The following BDP1 variants were observed in gnomAD, a reference collection of about 807,000 sequenced individuals.
BDP1 encodes BDP1 general transcription factor IIIB subunit, also known as transcription factor TFIIIB component B'' homolog.
In BDP1, 169 loss-of-function variants were observed where a neutral mutation model predicts 266.6. The observed-to-expected ratio is 0.63, with a 90% confidence interval of 0.56 to 0.72. The LOEUF (loss-of-function observed/expected upper bound fraction) is 0.72. Ranked by LOEUF, BDP1 falls within the 30% of genes least tolerant of loss-of-function variation. The pLI, the probability that BDP1 is intolerant of heterozygous loss-of-function variation, is 0.00. For synonymous variants in BDP1, 1,090 were observed against 1,022.4 expected (o/e 1.07, Z -1.26); for missense variants, 3,015 against 3,053.8 (o/e 0.99, Z 0.30).
chr5:71,525,632 G>A (rs549109585), intron 25 of BDP1, among the ~76,000 whole-genome samples: 117 of 128,506 alleles, frequency 9.1e-4, no homozygotes, highest in African/African-American at 3.0e-3. Flanking sequence ...CTGGCCGGGC[G>A]GGGGGCTGAC....
chr5:71,511,265 C>G (rs1261626880), intron 17 of BDP1, 114 bp downstream of exon 17: 4 of 1,060,018 alleles, frequency 3.8e-6, no homozygotes, highest in African/African-American at 1.6e-5. Flanking sequence ...CTCTAAAAGT[C>G]TAAAGTCTTT....
intron 10 of BDP1, among the ~76,000 whole-genome samples, chr5:71,490,137 T>C (rs373832183): frequency 5.9e-5 from 9 of 152,168 alleles, no homozygotes; most frequent in South Asian, 2.1e-4. Flanking sequence ...TTGCCACTTA[T>C]GAGTTGCTTG....
chr5:71,470,432 A>T lies in BDP1; in HGVS notation c.957A>T (p.Gly319=), dbSNP rs1006511605. 6.2e-7 allele frequency: 1 copy of T among 1,612,456 alleles called. No individual in the cohort carries two copies. The highest frequency in any genetic ancestry group is 8.5e-7 in the Non-Finnish European group (1 of 1,179,336). Residue 319 remains glycine (G), a synonymous_variant, in exon 7 of 39, where the codon GGA becomes GGT. Coordinates refer to ENST00000358731, the MANE Select transcript of BDP1 (RefSeq NM_018429.3). ...DMFFLAISMV[G]TDFSMIGQLF... ...TTTTTTTAGCCATCAGCATGGTAGG[A>T]ACTGACTTTTCTATGATCGGACAAC...
Position 71,469,770 on chromosome 5 carries a change from C to T in BDP1, c.920-625C>T, listed in dbSNP as rs531943020. Among the ~76,000 whole-genome samples, 176 of 150,562 alleles carry T rather than the reference C, an allele frequency of 1.2e-3. 3 individuals are homozygous for T. The South Asian group carries it at 0.017, about 15-fold the overall frequency. On this transcript the variant is annotated intron_variant, in intron 6 of 38. Coordinates refer to ENST00000358731, the MANE Select transcript of BDP1 (RefSeq NM_018429.3). ...CTGGGATTACAGGTGCACGCCACCA[C>T]GCCCAGCTCATTTTTTTTTTATTTT...
Position 71,455,931 on chromosome 5 carries a change from C to T in BDP1, c.54C>T (p.Gly18=). 6.2e-7 allele frequency: 1 copy of T among 1,611,060 alleles called. No homozygotes were observed. Residue 18 remains glycine, a synonymous_variant, in exon 1 of 39, where the codon GGC becomes GGT. Coordinates refer to ENST00000358731, the MANE Select transcript of BDP1 (RefSeq NM_018429.3). ...SVKPNVRPGV[G]ARGSTASNPQ... is the part of the protein sequence containing the mutation. ...AGCCGAATGTCAGGCCTGGTGTAGG[C>T]GCCAGGGGCTCCACAGCTTCCAATC...
At chr5:71,554,925 A>C (rs1019396744) in intron 35 of BDP1, among the ~76,000 whole-genome samples, 17 of 152,196 alleles carry the variant, frequency 1.1e-4, no homozygotes, top group African/African-American at 3.6e-4. Context: ...CTGAAAAGCC[A>C]AAATCTGAAA....
At chr5:71,468,420 T>C (rs1260884519) in intron 6 of BDP1, among the ~76,000 whole-genome samples, 1 of 151,940 alleles carries the variant, frequency 6.6e-6, no homozygotes, top group African/African-American at 2.4e-5. Context: ...AGTGTTGAGA[T>C]TATAGGCGTG....
intron 25 of BDP1, 83 bp from the exon 26 acceptor site, chr5:71,532,225 C>T: frequency 8.3e-7 from 1 of 1,208,290 alleles, no homozygotes; most frequent in Non-Finnish European, 1.2e-6. Context: ...AGCGTTTCAT[C>T]TTACTTATTC....
intron 7 of BDP1, among the ~76,000 whole-genome samples, chr5:71,482,957 C>T (rs2150394654): frequency 1.3e-5 from 2 of 152,258 alleles, no homozygotes; most frequent in Middle Eastern, 6.8e-3. Context: ...TAAACTGTAT[C>T]ATCTAAGAAT....
intron 33 of BDP1, 128 bp downstream of exon 33, chr5:71,548,873 A>G: frequency 1.4e-6 from 1 of 700,804 alleles, no homozygotes; most frequent in Non-Finnish European, 2.5e-6. Flanking sequence ...AAAACGTTTT[A>G]TAGAAACACC....
chr5:71,513,042 GA>G (rs1765016768), intron 18 of BDP1, 142 bp from the exon 19 acceptor site: 1 of 567,282 alleles, frequency 1.8e-6, no homozygotes, highest in East Asian at 3.1e-5. Context: ...CAGCCTGGGG[GA>G]TAGAACAAGA....
chr5:71,457,784 G>C (rs1761291334), intron 1 of BDP1, among the ~76,000 whole-genome samples: 2 of 152,076 alleles, frequency 1.3e-5, no homozygotes, highest in Non-Finnish European at 2.9e-5. Flanking sequence ...ATAAGTTAAG[G>C]CATTTTCTAA....
Position 71,511,293 on chromosome 5 carries a change from A to G in BDP1, c.4059+142A>G, listed in dbSNP as rs147549439. ...AAGTCTTTTGTAGCCCTAAGTTTCT[A>G]TGTTTCAGTGCCTTGAAGAAACTGT... On this transcript the variant is annotated intron_variant, in intron 17 of 38. Transcript: ENST00000358731. 645 of 781,014 alleles carry G rather than the reference A, an allele frequency of 8.3e-4. 4 individuals are homozygous for G. In the African/African-American group the frequency reaches 9.5e-3, roughly 12 times the overall value. 48.4% of individuals were successfully genotyped at this position (781,014 alleles called of 1,614,324 possible).
chr5:71,481,248 T>C (rs915565858), intron 7 of BDP1, among the ~76,000 whole-genome samples: 1 of 148,890 alleles, frequency 6.7e-6, no homozygotes, highest in Non-Finnish European at 1.5e-5. Flanking sequence ...TGTTTTTTCT[T>C]TTTTTTTTTA....
intron 7 of BDP1, among the ~76,000 whole-genome samples, chr5:71,481,620 A>C (rs1762977302): frequency 6.6e-6 from 1 of 152,166 alleles, no homozygotes; most frequent in Non-Finnish European, 1.5e-5. Flanking sequence ...TGTACTGCCA[A>C]CTTCTTTGTT....
At chr5:71,546,647 C>CAAAAAAAAAAAAAAA (rs1421064235) in intron 32 of BDP1, among the ~76,000 whole-genome samples, 1 of 100,582 alleles carries the variant, frequency 9.9e-6, no homozygotes, top group African/African-American at 3.5e-5. Flanking sequence ...AAAAAAAAAC[C>CAAAAAAAAAAAAAAA]AAAAAACTGA....
intron 37 of BDP1, 113 bp downstream of exon 37, chr5:71,560,350 C>T (rs1318288732): frequency 1.7e-6 from 2 of 1,150,060 alleles, no homozygotes; most frequent in African/African-American, 1.6e-5. Context: ...CATATTCCTC[C>T]ATCAGTAATG....
At chr5:71,498,075 T>C (rs1764001327) in intron 13 of BDP1, among the ~76,000 whole-genome samples, 1 of 151,242 alleles carries the variant, frequency 6.6e-6, no homozygotes, top group Non-Finnish European at 1.5e-5. Flanking sequence ...CTCAGCCTCC[T>C]GAGTAGCTGG....
At chr5:71,502,830 A>C (rs2150445385) in intron 15 of BDP1, 39 bp downstream of exon 15, 2 of 1,520,098 alleles carry the variant, frequency 1.3e-6, no homozygotes, top group South Asian at 2.3e-5. Flanking sequence ...TTGGTAAGCA[A>C]GTACATGAGC....
Sources: allele counts gnomAD v4.1 joint callset (sites outside exome capture counted in the v4.1 genomes callset), GRCh38; gene constraint gnomAD v4.1.1; transcripts MANE v1.5; gene names NCBI Gene and HGNC (gene_info 2026-07-23, HGNC 2026-07-21).